SATB1: variants seen among roughly 807,000 people sequenced by gnomAD.
SATB1 encodes SATB homeobox 1, also known as DNA-binding protein SATB1.
SATB1 carries 11 observed loss-of-function variants against 86.9 expected under a neutral mutation model. The ratio of observed to expected loss-of-function variants is 0.13; its 90% CI spans 0.08 to 0.21. The LOEUF (loss-of-function observed/expected upper bound fraction) is 0.21, where lower values mean the gene tolerates loss of function less well. Among genes scored for constraint, SATB1 ranks in the 10% least tolerant of loss-of-function variants. SATB1 has a pLI of 1.00. For missense variants in SATB1, 551 were observed against 937.6 expected, an observed-to-expected ratio of 0.59 and a Z score of 5.39; for synonymous variants, 357 against 357.2, an observed-to-expected ratio of 1.00 and a Z score of 0.01.
intron 9 of SATB1, among the ~76,000 whole-genome samples, chr3:18,361,277 T>C (rs1039867547): frequency 6.6e-6 from 1 of 152,160 alleles, no homozygotes; most frequent in African/African-American, 2.4e-5. Flanking sequence ...TAAACCTCAA[T>C]TTTCTGCTCT....
At chr3:18,363,433 C>T (rs1326190020) in intron 9 of SATB1, among the ~76,000 whole-genome samples, 5 of 151,990 alleles carry the variant, frequency 3.3e-5, no homozygotes, top group Non-Finnish European at 5.9e-5. Flanking sequence ...TGACAATGGC[C>T]GGGTTATAAT....
chr3:18,378,429 C>A, intron 8 of SATB1, 104 bp from the exon 9 acceptor site: 1 of 1,123,486 alleles, frequency 8.9e-7, no homozygotes, highest in Non-Finnish European at 1.3e-6. Context: ...CTTTTATGAT[C>A]AAGGTGATCA....
chr3:18,425,142 C>T lies in SATB1; in HGVS notation c.-1540G>A. The T allele has an allele frequency of 5.7e-6, 1 of 176,384 alleles. No homozygotes were observed. Among genetic ancestry groups the T allele is most frequent in the Non-Finnish European group, 1.2e-5 (1 of 86,164 alleles). 10.9% of individuals were successfully genotyped at this position (176,384 alleles called of 1,614,324 possible). A position where few individuals can be genotyped will look rare whatever the true frequency, so the allele number is the denominator to read the frequency against. On this transcript the variant is annotated 5_prime_UTR_variant, in exon 1 of 11. Transcript: ENST00000338745. ...GCAGCCCTCTCCGCCGCTGCTCCTG[C>T]TGCTGCTGCCGCCGCCGCCGCCGCT...
chr3:18,349,916 C>A lies in SATB1; in HGVS notation c.1780-234G>T. ...CAGCTTTGGGGGGCTACTGCACTTACTTATCAGAGATCAGCAGAGGAAGTG... is the reference window on the plus strand; with the variant it reads ...CAGCTTTGGGGGGCTACTGCACTTAATTATCAGAGATCAGCAGAGGAAGTG... On this transcript the variant is annotated intron_variant, in intron 10 of 10. Coordinates refer to ENST00000338745, the MANE Select transcript of SATB1 (RefSeq NM_002971.6). This position sits in a 1 kb window ranked among gnomAD's most constrained non-coding sequence, Gnocchi z 5.5. 3.2e-6 allele frequency: 2 copies of A among 623,056 alleles called. No homozygotes were observed. Among genetic ancestry groups the A allele is most frequent in the Non-Finnish European group, 5.1e-6 (2 of 389,300 alleles). The allele number at this position is 623,056 out of a possible 1,614,324, so 38.6% of individuals were successfully genotyped here.
rs545745234 is a variant in SATB1 at position 18,424,437 on chromosome 3, T to A, written c.-835A>T. ...GACAGCGAGGGTGGGGGGCAGGGGG[T>A]CGCGAGAAAAGCCCCGGAAAGGCAC... On this transcript the variant is annotated 5_prime_UTR_variant, in exon 1 of 11. Coordinates refer to ENST00000338745, the MANE Select transcript of SATB1 (RefSeq NM_002971.6). 2.3e-3 allele frequency: 343 copies of A among 148,112 alleles called. 3 individuals are homozygous for A. The highest frequency in any genetic ancestry group is 8.2e-3 in the African/African-American group (328 of 39,886). 9.2% of individuals were successfully genotyped at this position (148,112 alleles called of 1,614,324 possible).
chr3:18,396,945 C>T lies in SATB1; in HGVS notation c.751+234G>A, dbSNP rs148403703. Among the ~76,000 whole-genome samples the T allele has an allele frequency of 3.6e-3, 544 of 152,222 alleles. 9 individuals are homozygous for T. Among genetic ancestry groups the T allele is most frequent in the South Asian group, 0.02 (94 of 4,816 alleles). On this transcript the variant is annotated intron_variant, in intron 6 of 10. Coordinates refer to ENST00000338745, the MANE Select transcript of SATB1 (RefSeq NM_002971.6). ...TAAAAAATGACAGCTCCCCTCCCAA[C>T]GCCTCAATTTCCTGCATGTCTGACA...
chr3:18,385,306 T>C (rs1696277918), intron 8 of SATB1, among the ~76,000 whole-genome samples: 1 of 152,204 alleles, frequency 6.6e-6, no homozygotes, highest in Non-Finnish European at 1.5e-5. Context: ...GAGCTGTAAA[T>C]GTCACAAGTT....
intron 1 of SATB1, among the ~76,000 whole-genome samples, chr3:18,422,920 G>C (rs1008295110): frequency 1.1e-4 from 17 of 152,118 alleles, no homozygotes; most frequent in African/African-American, 4.1e-4. Context: ...ACAATCTAAA[G>C]TATCATATAG....
intron 1 of SATB1, among the ~76,000 whole-genome samples, chr3:18,422,383 T>C (rs1698437675): frequency 6.6e-6 from 1 of 152,224 alleles, no homozygotes; most frequent in Non-Finnish European, 1.5e-5. Context: ...TCTGGAAGTT[T>C]AAAAGCAACC....
At chr3:18,354,459 G>A (rs535079308) in intron 9 of SATB1, among the ~76,000 whole-genome samples, 1 of 152,090 alleles carries the variant, frequency 6.6e-6, no homozygotes, top group Non-Finnish European at 1.5e-5. Flanking sequence ...AGAAGTTAGA[G>A]GTTCATAAAG....
intron 7 of SATB1, among the ~76,000 whole-genome samples, chr3:18,393,557 G>C (rs1696802030): frequency 6.6e-6 from 1 of 152,080 alleles, no homozygotes; most frequent in African/African-American, 2.4e-5. Flanking sequence ...CAGGCTGATA[G>C]ATAGTACCTT....
At chr3:18,377,927 C>T (rs967674898) in intron 9 of SATB1, among the ~76,000 whole-genome samples, 2 of 152,086 alleles carry the variant, frequency 1.3e-5, no homozygotes, top group African/African-American at 2.4e-5. Flanking sequence ...TCTCAAAATA[C>T]CTATTAACTG....
chr3:18,401,804 T>C (rs1260925517), intron 5 of SATB1, among the ~76,000 whole-genome samples: 1 of 152,160 alleles, frequency 6.6e-6, no homozygotes, highest in Non-Finnish European at 1.5e-5. Context: ...AGCACATGTC[T>C]ACTCCCTATG....
At chr3:18,351,896 G>A in intron 10 of SATB1, 96 bp downstream of exon 10, 1 of 1,186,630 alleles carries the variant, frequency 8.4e-7, no homozygotes, top group Non-Finnish European at 1.2e-6. Flanking sequence ...AAAGCCTATG[G>A]TTAGACTGGC....
intron 5 of SATB1, among the ~76,000 whole-genome samples, chr3:18,402,027 C>A (rs1575145572): frequency 6.6e-6 from 1 of 152,194 alleles, no homozygotes; most frequent in East Asian, 1.9e-4. Context: ...CATTCTGAAC[C>A]TTTGCTCTAA....
At chr3:18,429,158 G>A (rs1420407692), upstream of SATB1, among the ~76,000 whole-genome samples, 1 of 152,072 alleles carries the variant, frequency 6.6e-6, no homozygotes, top group Non-Finnish European at 1.5e-5. This position sits in a 1 kb window ranked among gnomAD's most constrained non-coding sequence, Gnocchi z 4.1. Context: ...GAATTTCTGG[G>A]AATATGGTTC....
At chr3:18,404,149 G>A (rs1389526036) in intron 5 of SATB1, among the ~76,000 whole-genome samples, 1 of 152,050 alleles carries the variant, frequency 6.6e-6, no homozygotes, top group Non-Finnish European at 1.5e-5. Context: ...AAAATTAACA[G>A]GTAGTTCCCA....
rs1374301819 is a variant in SATB1, at chr3:18,351,441, CT to C, written c.1779+550del. 2.7e-6 allele frequency: 4 copies of C among 1,468,556 alleles called. No homozygotes were observed. In the African/African-American group the frequency reaches 4.2e-5, roughly 15 times the overall value. 91.0% of individuals were successfully genotyped at this position (1,468,556 alleles called of 1,614,324 possible). On this transcript the variant is annotated intron_variant, in intron 10 of 10. Coordinates refer to ENST00000338745, the MANE Select transcript of SATB1 (RefSeq NM_002971.6). Reference sequence around the variant, plus strand: ...AAAGACAAACAGAGATGACTCACCCCTAACCTACATTCTGTAAAGTGTGGGG... The same window carrying C: ...AAAGACAAACAGAGATGACTCACCCCAACCTACATTCTGTAAAGTGTGGGG...
At chr3:18,380,452 T>G (rs1424419258) in intron 8 of SATB1, among the ~76,000 whole-genome samples, 1 of 152,102 alleles carries the variant, frequency 6.6e-6, no homozygotes, top group Middle Eastern at 3.2e-3. Context: ...TTTTTTTATT[T>G]TAAAGCAATT....
Sources: gnomAD v4.1 joint callset for allele counts (sites outside exome capture counted in the v4.1 genomes callset) on GRCh38, gnomAD v4.1.1 for gene constraint, Gnocchi (gnomAD v3.1) non-coding constraint, MANE v1.5 for transcripts, NCBI Gene and HGNC (gene_info 2026-07-23, HGNC 2026-07-21) for gene names.